CHRM2: variants seen among roughly 807,000 people sequenced by gnomAD.
CHRM2 encodes the protein muscarinic acetylcholine receptor M2.
Under a neutral mutation model 25.0 loss-of-function variants are expected in CHRM2, and 8 were observed. The observed-to-expected ratio is 0.32, with a 90% CI of 0.19 to 0.58. The LOEUF is 0.58. Among genes scored for constraint, CHRM2 ranks in the 20% least tolerant of loss-of-function variants. The probability of loss-of-function intolerance (pLI) is 0.88; values close to 1 mark genes in which losing one functional copy is unlikely to be tolerated. For missense variants in CHRM2, 440 were observed against 567.1 expected (o/e 0.78, Z 2.28); for synonymous variants, 202 against 205.7 (o/e 0.98, Z 0.15).
At chr7:136,993,271 G>A (rs1803354809) in intron 3 of CHRM2, among the ~76,000 whole-genome samples, 1 of 152,176 alleles carries the variant, frequency 6.6e-6, no homozygotes, top group African/African-American at 2.4e-5. Context: ...TTCAGCAAGT[G>A]AGATATTTGT....
chr7:136,986,174 G>A (rs1015798309), intron 2 of CHRM2, among the ~76,000 whole-genome samples: 2 of 152,022 alleles, frequency 1.3e-5, no homozygotes, highest in Admixed American at 6.6e-5. Flanking sequence ...AGCAGGCCCC[G>A]AACCCACCTC....
chr7:136,900,294 C>T lies in CHRM2; in HGVS notation c.-125+30876C>T, dbSNP rs576715908. 5.3e-5 allele frequency among the ~76,000 whole-genome samples: 8 copies of T among 152,166 alleles called. No individual in the cohort carries two copies. The South Asian group carries it at 1.7e-3, about 32-fold the overall frequency. On this transcript the variant is annotated intron_variant, in intron 2 of 3. Coordinates refer to ENST00000680005, the MANE Select transcript of CHRM2 (RefSeq NM_001006630.2). ...CCCTTAAACAGTTCCTAGGACTAAC[C>T]TAAATGTTTTGCAGCCAAGTTAACT...
rs546575356 is a variant in CHRM2 at position 136,969,452 on chromosome 7, T to G, written c.-124-22735T>G. Among the ~76,000 whole-genome samples, 458 of 152,318 alleles carry G rather than the reference T, an allele frequency of 3.0e-3. 1 individual carries two copies. Among genetic ancestry groups the G allele is most frequent in the Non-Finnish European group, 5.3e-3 (359 of 68,026 alleles). On this transcript the variant is annotated intron_variant, in intron 2 of 3. Coordinates refer to ENST00000680005, the MANE Select transcript of CHRM2 (RefSeq NM_001006630.2). ...ATGTCTCCAAATTCTTGACTGCTTA[T>G]TCAAATTTCACCTGTATCTTGCTTA...
intron 2 of CHRM2, among the ~76,000 whole-genome samples, chr7:136,927,783 GA>G (rs534033231): frequency 6.0e-4 from 91 of 152,102 alleles, no homozygotes; most frequent in African/African-American, 2.1e-3. Flanking sequence ...TCATCACCAG[GA>G]AAAAATATTT....
chr7:136,933,304 A>T (rs1218740423), intron 2 of CHRM2, among the ~76,000 whole-genome samples: 1 of 152,190 alleles, frequency 6.6e-6, no homozygotes, highest in East Asian at 1.9e-4. Context: ...ATGGTTATTA[A>T]GCATATTTGA....
chr7:136,974,253 T>A (rs892132274), intron 2 of CHRM2, among the ~76,000 whole-genome samples: 16 of 152,140 alleles, frequency 1.1e-4, no homozygotes, highest in African/African-American at 3.6e-4. Flanking sequence ...AGTGAGAACA[T>A]CTGATATTCA....
chr7:136,917,405 G>A (rs1160289935), intron 2 of CHRM2, among the ~76,000 whole-genome samples: 1 of 151,972 alleles, frequency 6.6e-6, no homozygotes, highest in Non-Finnish European at 1.5e-5. Context: ...GTTCATAACA[G>A]TGTGAGAACA....
Position 136,953,010 on chromosome 7 carries a change from C to G in CHRM2, c.-124-39177C>G, listed in dbSNP as rs1800508096. 2.0e-5 allele frequency among the ~76,000 whole-genome samples: 3 copies of G among 152,188 alleles called. No individual in the cohort carries two copies. In the South Asian group the frequency reaches 6.2e-4, roughly 32 times the overall value. On this transcript the variant is annotated intron_variant, in intron 2 of 3. Transcript: ENST00000680005. ...CATTTAGGTTGATTCCATGTCTTTA[C>G]TATGGTGAATAATGCTGTAATGAGC...
At chr7:136,991,920 TCA>T (rs1196776313) in intron 2 of CHRM2, among the ~76,000 whole-genome samples, 4 of 152,180 alleles carry the variant, frequency 2.6e-5, no homozygotes, top group Non-Finnish European at 5.9e-5. Flanking sequence ...ACCATGTTTC[TCA>T]GAGTCACTTC....
chr7:136,908,011 T>C (rs935189309), intron 2 of CHRM2: 12 of 151,932 alleles, frequency 7.9e-5, no homozygotes, highest in African/African-American at 2.2e-4. Flanking sequence ...AAGAAATAAG[T>C]TGAATTTATA....
At chr7:136,972,375 T>C (rs1292432931) in intron 2 of CHRM2, among the ~76,000 whole-genome samples, 1 of 152,220 alleles carries the variant, frequency 6.6e-6, no homozygotes, top group Non-Finnish European at 1.5e-5. Context: ...ACCTAGAGGA[T>C]AGCAGCATAT....
At chr7:137,001,021 G>T (rs2131065115) in intron 3 of CHRM2, among the ~76,000 whole-genome samples, 1 of 152,286 alleles carries the variant, frequency 6.6e-6, no homozygotes, top group South Asian at 2.1e-4. Flanking sequence ...TAAAACTTGA[G>T]ATCACATATA....
intron 2 of CHRM2, chr7:136,907,753 A>G (rs890895256): frequency 3.3e-5 from 5 of 151,976 alleles, no homozygotes; most frequent in Admixed American, 3.3e-4. Context: ...TATTTTCTCA[A>G]GTTTTGCAAA....
chr7:136,911,186 C>G, intron 2 of CHRM2, among the ~76,000 whole-genome samples: 1 of 151,652 alleles, frequency 6.6e-6, no homozygotes, highest in East Asian at 1.9e-4. Flanking sequence ...TGTTTTATCA[C>G]TTCATACAAA....
intron 3 of CHRM2, among the ~76,000 whole-genome samples, chr7:137,003,504 A>T (rs866093417): frequency 0.011 from 1,666 of 149,330 alleles, 50 homozygotes; most frequent in African/African-American, 0.036. Context: ...ACACACACAC[A>T]CACACACACA....
rs1805337493 is a variant in CHRM2, at chr7:137,019,626, A to G, written c.*3360A>G. On this transcript the variant is annotated 3_prime_UTR_variant, in exon 4 of 4. Transcript: ENST00000680005. ...TATCCCAGAGTGATATTATAAGAAG[A>G]GGAGATTAAGAATATGGAAAAAGTC... is the stretch of plus-strand genomic sequence containing the variant. The G allele has an allele frequency of 6.6e-6, 1 of 151,900 alleles. No individual in the cohort carries two copies. Among genetic ancestry groups the G allele is most frequent in the Admixed American group, 6.6e-5 (1 of 15,206 alleles). 9.4% of individuals were successfully genotyped at this position (151,900 alleles called of 1,614,324 possible). A position where few individuals can be genotyped will look rare whatever the true frequency, so the allele number is the denominator to read the frequency against.
intron 2 of CHRM2, among the ~76,000 whole-genome samples, chr7:136,925,020 A>T (rs1798662520): frequency 6.6e-6 from 1 of 152,288 alleles, no homozygotes; most frequent in African/African-American, 2.4e-5. Flanking sequence ...AATACAAGGT[A>T]TTGTGTGGTG....
At chr7:136,896,975 G>A (rs906995269) in intron 2 of CHRM2, among the ~76,000 whole-genome samples, 4 of 152,028 alleles carry the variant, frequency 2.6e-5, no homozygotes, top group South Asian at 4.1e-4. Flanking sequence ...CTGAAAAGAA[G>A]GAGTCACGGT....
chr7:136,901,540 T>G (rs941057657), intron 2 of CHRM2, among the ~76,000 whole-genome samples: 1 of 151,982 alleles, frequency 6.6e-6, no homozygotes, highest in Non-Finnish European at 1.5e-5. Flanking sequence ...CACCCGATCT[T>G]GTAGTGCAGT....
Sources: gnomAD v4.1 joint callset for allele counts (sites outside exome capture counted in the v4.1 genomes callset) on GRCh38, gnomAD v4.1.1 for gene constraint, MANE v1.5 for transcripts, NCBI Gene and HGNC (gene_info 2026-07-23, HGNC 2026-07-21) for gene names.